The following SUGCT variants were observed in gnomAD, a reference collection of about 807,000 sequenced individuals.
SUGCT encodes succinyl-CoA:glutarate CoA-transferase.
Under a neutral mutation model 55.0 loss-of-function variants are expected in SUGCT, and 41 were observed. The ratio of observed to expected loss-of-function variants is 0.74; its 90% CI spans 0.58 to 0.97. The LOEUF (loss-of-function observed/expected upper bound fraction) is 0.97. SUGCT is among the 50% of genes least tolerant of loss of function. The pLI is 0.00. For synonymous variants in SUGCT, 187 were observed against 200.4 expected (o/e 0.93, Z 0.56); for missense variants, 568 against 547.8 (o/e 1.04, Z -0.37).
chr7:40,711,834 G>C lies in SUGCT; in HGVS notation c.1090-37600G>C, dbSNP rs191933207. The stretch of plus-strand genomic sequence containing the variant: ...TTTAGGTTTGTAAACTCTGAGCACA[G>C]TATCCAGTCTCATGGGTCTTTGAGT... On this transcript the variant is annotated intron_variant, in intron 12 of 13. Transcript: ENST00000335693. Among the ~76,000 whole-genome samples the C allele has an allele frequency of 4.5e-4, 69 of 152,370 alleles. No homozygotes were observed. In the East Asian group the frequency reaches 0.011, roughly 24 times the overall value.
intron 9 of SUGCT, among the ~76,000 whole-genome samples, chr7:40,413,497 A>G (rs1786804629): frequency 6.6e-6 from 1 of 152,210 alleles, no homozygotes; most frequent in Non-Finnish European, 1.5e-5. Context: ...TTAAGAAAAT[A>G]GAGGAAAACA....
chr7:40,211,181 C>T (rs2150793478), intron 6 of SUGCT, among the ~76,000 whole-genome samples: 2 of 151,746 alleles, frequency 1.3e-5, no homozygotes, highest in South Asian at 2.1e-4. Context: ...GCCATATTGC[C>T]CAGACTGATC....
At chr7:40,278,849 T>C (rs1352322237) in intron 8 of SUGCT, among the ~76,000 whole-genome samples, 2 of 149,380 alleles carry the variant, frequency 1.3e-5, no homozygotes, top group Admixed American at 6.7e-5. Flanking sequence ...TTTAAAGAGA[T>C]ACGGTCTCGT....
intron 7 of SUGCT, among the ~76,000 whole-genome samples, chr7:40,256,261 A>G (rs1337131834): frequency 6.6e-6 from 1 of 152,182 alleles, no homozygotes; most frequent in Non-Finnish European, 1.5e-5. Flanking sequence ...CTGGGACCAG[A>G]TACAGATGAA....
At chr7:40,944,598 C>T in the SUGCT span, among the ~76,000 whole-genome samples, 10 of 152,092 alleles carry the variant, frequency 6.6e-5, no homozygotes, top group Middle Eastern at 3.4e-3. Context: ...TGTAGATATG[C>T]GGTGTTATTT....
intron 11 of SUGCT, among the ~76,000 whole-genome samples, chr7:40,479,146 GT>G (rs1279953936): frequency 6.6e-6 from 1 of 151,886 alleles, no homozygotes; most frequent in African/African-American, 2.4e-5. Flanking sequence ...ACTTGCTTAG[GT>G]TGTTTTCTTA....
At chr7:40,429,625 G>A (rs1025942551) in intron 9 of SUGCT, among the ~76,000 whole-genome samples, 1 of 152,170 alleles carries the variant, frequency 6.6e-6, no homozygotes, top group Non-Finnish European at 1.5e-5. Flanking sequence ...GACTCAGCCA[G>A]TTTATTCCTT....
chr7:40,667,175 T>C (rs377507647), intron 12 of SUGCT, among the ~76,000 whole-genome samples: 1 of 152,042 alleles, frequency 6.6e-6, no homozygotes, highest in Non-Finnish European at 1.5e-5. Context: ...TCTAATGAGA[T>C]AGAAAACATT....
the SUGCT span, among the ~76,000 whole-genome samples, chr7:40,944,397 G>T: frequency 7.5e-4 from 114 of 151,128 alleles, no homozygotes; most frequent in Admixed American, 2.1e-3. Flanking sequence ...TTTCTTCTAG[G>T]GTTTTTATGG....
chr7:40,439,664 A>G (rs564501203), intron 9 of SUGCT, among the ~76,000 whole-genome samples: 6 of 152,198 alleles, frequency 3.9e-5, no homozygotes, highest in East Asian at 1.9e-4. Flanking sequence ...TTTCATTCTC[A>G]TAACTCCCCA....
intron 13 of SUGCT, among the ~76,000 whole-genome samples, chr7:40,848,102 C>A (rs1057301939): frequency 1.3e-5 from 2 of 152,178 alleles, no homozygotes; most frequent in Admixed American, 6.5e-5. Context: ...TGTTGGATTC[C>A]ACACCGATGG....
At chr7:40,650,904 G>T (rs1800743924) in intron 12 of SUGCT, among the ~76,000 whole-genome samples, 1 of 152,048 alleles carries the variant, frequency 6.6e-6, no homozygotes, top group South Asian at 2.1e-4. Context: ...AGTGTGTGTT[G>T]TTCCCCTCCC....
chr7:41,016,390 A>T, the SUGCT span, among the ~76,000 whole-genome samples: 1 of 152,198 alleles, frequency 6.6e-6, no homozygotes, highest in Non-Finnish European at 1.5e-5. Context: ...ATAAGATAGC[A>T]CATTACATCC....
intron 1 of SUGCT, among the ~76,000 whole-genome samples, chr7:40,140,070 T>G (rs1275608694): frequency 6.6e-6 from 1 of 151,908 alleles, no homozygotes; most frequent in Non-Finnish European, 1.5e-5. Context: ...GCCCCGCGAA[T>G]TTTTTGTGTG....
the SUGCT span, among the ~76,000 whole-genome samples, chr7:40,990,221 CATTA>C: frequency 6.6e-6 from 1 of 152,216 alleles, no homozygotes; most frequent in South Asian, 2.1e-4. Context: ...ACAAAAACGA[CATTA>C]ATCTCCTCAC....
At chr7:40,424,118 G>A (rs1001715738) in intron 9 of SUGCT, among the ~76,000 whole-genome samples, 3 of 152,112 alleles carry the variant, frequency 2.0e-5, no homozygotes, top group African/African-American at 7.2e-5. Flanking sequence ...TGGTTGGATA[G>A]TTCCTCAAAT....
chr7:40,822,089 C>A (rs1159393762), intron 13 of SUGCT, among the ~76,000 whole-genome samples: 1 of 152,158 alleles, frequency 6.6e-6, no homozygotes, highest in African/African-American at 2.4e-5. Flanking sequence ...TGAGTTTCTT[C>A]ATCCTGAGTT....
intron 13 of SUGCT, among the ~76,000 whole-genome samples, chr7:40,830,578 A>G (rs1351316498): frequency 1.3e-5 from 2 of 152,178 alleles, no homozygotes; most frequent in Admixed American, 1.3e-4. Context: ...CTATTCAGAG[A>G]AACTTCCCTG....
rs5883724 is a variant in SUGCT, at chr7:40,240,484, C to CA, written c.576+2769dup. On this transcript the variant is annotated intron_variant, in intron 7 of 13. Transcript: ENST00000335693. ...GGTGACAAGAGCGAAACTCCATCTC[C>CA]AAAAAAAAAAAGAAAAGAATCAGAA... Among the ~76,000 whole-genome samples, 958 of 139,892 alleles carry CA rather than the reference C, an allele frequency of 6.8e-3. 4 individuals are homozygous for CA. The highest frequency in any genetic ancestry group is 0.022 in the African/African-American group (866 of 38,752). The allele number at this position is 139,892 out of a possible 152,430, so 91.8% of individuals were successfully genotyped here. A position where few individuals can be genotyped will look rare whatever the true frequency, so the allele number is the denominator to read the frequency against.
Sources: allele counts gnomAD v4.1 joint callset (sites outside exome capture counted in the v4.1 genomes callset), GRCh38; gene constraint gnomAD v4.1.1; transcripts MANE v1.5; gene names NCBI Gene and HGNC (gene_info 2026-07-23, HGNC 2026-07-21).